The following HMGA2 variants were observed in gnomAD, a reference collection of about 807,000 sequenced individuals.
The protein encoded by HMGA2 is high mobility group AT-hook 2, also known as high mobility group protein HMGI-C.
Under a neutral mutation model 19.1 loss-of-function variants are expected in HMGA2, and 8 were observed. The observed-to-expected ratio is 0.42, with a 90% CI of 0.25 to 0.76. HMGA2 has a LOEUF of 0.76. Among genes scored for constraint, HMGA2 ranks in the 30% least tolerant of loss-of-function variants. The pLI, the probability that HMGA2 is intolerant of heterozygous loss-of-function variation, is 0.28. For missense variants in HMGA2, 109 were observed against 136.3 expected, an observed-to-expected ratio of 0.80 and a Z score of 1.00; for synonymous variants, 60 against 48.8, an observed-to-expected ratio of 1.23 and a Z score of -0.96.
chr12:65,919,707 A>G (rs936509992), intron 3 of HMGA2, among the ~76,000 whole-genome samples: 4 of 152,260 alleles, frequency 2.6e-5, no homozygotes, highest in Non-Finnish European at 5.9e-5. Context: ...TGAATCCATC[A>G]ATACCACTGA....
At chr12:65,908,584 C>T (rs189231412) in intron 3 of HMGA2, among the ~76,000 whole-genome samples, 8 of 152,258 alleles carry the variant, frequency 5.3e-5, no homozygotes, top group African/African-American at 1.4e-4. Context: ...GTCCTCTCTT[C>T]GTTCATCCAC....
chr12:65,904,232 C>T (rs1874490821), intron 3 of HMGA2, among the ~76,000 whole-genome samples: 1 of 152,250 alleles, frequency 6.6e-6, no homozygotes, highest in Non-Finnish European at 1.5e-5. Flanking sequence ...ATACTGCTTC[C>T]ACCCAGTGTG....
At chr12:65,945,469 T>C (rs896805997) in intron 3 of HMGA2, among the ~76,000 whole-genome samples, 5 of 152,002 alleles carry the variant, frequency 3.3e-5, no homozygotes, top group African/African-American at 1.2e-4. Flanking sequence ...GACAGCACTG[T>C]GAAATTTCTG....
intron 2 of HMGA2, among the ~76,000 whole-genome samples, chr12:65,836,598 G>A (rs1357193178): frequency 1.3e-5 from 2 of 152,170 alleles, no homozygotes; most frequent in Non-Finnish European, 1.5e-5. Flanking sequence ...GCGTTCCAAG[G>A]TAGAGTCTGT....
intron 3 of HMGA2, chr12:65,914,644 T>A (rs1565730926): frequency 1.4e-5 from 4 of 282,390 alleles, no homozygotes; most frequent in Admixed American, 4.7e-5. Flanking sequence ...AAAGTATAAT[T>A]AAAAAAAAAT....
intron 3 of HMGA2, chr12:65,915,204 G>A (rs1208755010): frequency 6.2e-7 from 1 of 1,605,040 alleles, no homozygotes; most frequent in African/African-American, 1.3e-5. Flanking sequence ...ACATCTATGA[G>A]CCTTATGTGT....
chr12:65,937,966 G>A (rs1185135363), intron 3 of HMGA2, among the ~76,000 whole-genome samples: 1 of 152,224 alleles, frequency 6.6e-6, no homozygotes, highest in South Asian at 2.1e-4. Context: ...TTCACAGAAA[G>A]TGACCCTCTC....
intron 3 of HMGA2, chr12:65,858,437 T>C (rs938256163): frequency 1.3e-5 from 2 of 152,164 alleles, no homozygotes; most frequent in African/African-American, 4.8e-5. Flanking sequence ...CTTCAAATAA[T>C]AGTCAAGTTT....
At chr12:65,842,184 G>A (rs868316048) in intron 3 of HMGA2, 22 of 1,035,142 alleles carry the variant, frequency 2.1e-5, no homozygotes, top group Middle Eastern at 2.4e-4. Flanking sequence ...ATTCTGGTCC[G>A]TCACTTAGCT....
intron 3 of HMGA2, chr12:65,842,930 C>CTTTTT: frequency 8.7e-7 from 1 of 1,145,182 alleles, no homozygotes; most frequent in Non-Finnish European, 1.1e-6. Flanking sequence ...TGTATAAAAT[C>CTTTTT]CTCCATCCAG....
At chr12:65,848,504 T>G (rs1486585336) in intron 3 of HMGA2, among the ~76,000 whole-genome samples, 2 of 152,210 alleles carry the variant, frequency 1.3e-5, no homozygotes, top group Non-Finnish European at 2.9e-5. Flanking sequence ...AATCCTAGGC[T>G]TATGTCAACA....
intron 2 of HMGA2, among the ~76,000 whole-genome samples, chr12:65,833,281 T>C (rs185549778): frequency 1.8e-4 from 28 of 152,242 alleles, no homozygotes; most frequent in Middle Eastern, 6.8e-3. Flanking sequence ...CATTGATTTA[T>C]ACTGTTTATA....
intron 3 of HMGA2, chr12:65,915,271 G>A: frequency 6.7e-7 from 1 of 1,495,392 alleles, no homozygotes. Context: ...CAAAACACTG[G>A]CTTATTCTTT....
At chr12:65,910,396 T>G (rs1874792517) in intron 3 of HMGA2, among the ~76,000 whole-genome samples, 1 of 152,236 alleles carries the variant, frequency 6.6e-6, no homozygotes, top group Non-Finnish European at 1.5e-5. Context: ...TAGTCACTGC[T>G]GACCGAGGTA....
intron 3 of HMGA2, among the ~76,000 whole-genome samples, chr12:65,840,425 C>G (rs1242651745): frequency 6.6e-6 from 1 of 152,118 alleles, no homozygotes; most frequent in East Asian, 1.9e-4. Context: ...GGTGCTTTAT[C>G]AAGATTGGCT....
At chr12:65,833,581 C>T (rs896463814) in intron 2 of HMGA2, among the ~76,000 whole-genome samples, 1 of 152,148 alleles carries the variant, frequency 6.6e-6, no homozygotes, top group Admixed American at 6.5e-5. Flanking sequence ...TTTCCAACCT[C>T]TGCTCTTGTC....
At chr12:65,909,306 G>A (rs975690963) in intron 3 of HMGA2, among the ~76,000 whole-genome samples, 4 of 151,970 alleles carry the variant, frequency 2.6e-5, no homozygotes, top group African/African-American at 7.3e-5. Context: ...ATTACCTGTG[G>A]AATTTAAAAG....
chr12:65,934,332 G>A (rs768146494), intron 3 of HMGA2, among the ~76,000 whole-genome samples: 1 of 152,158 alleles, frequency 6.6e-6, no homozygotes, highest in Non-Finnish European at 1.5e-5. Flanking sequence ...ACTTTTTCCA[G>A]TTGTGTAGCA....
At chr12:65,921,108 G>A (rs186928536) in intron 3 of HMGA2, among the ~76,000 whole-genome samples, 270 of 152,314 alleles carry the variant, frequency 1.8e-3, no homozygotes, top group African/African-American at 5.9e-3. Flanking sequence ...TATATTTTTA[G>A]CAAAGAGACT....
Sources: allele counts gnomAD v4.1 joint callset (sites outside exome capture counted in the v4.1 genomes callset), GRCh38; gene constraint gnomAD v4.1.1; transcripts MANE v1.5; gene names NCBI Gene and HGNC (gene_info 2026-07-23, HGNC 2026-07-21).